The following ATP9A variants were observed in gnomAD, a reference collection of about 807,000 sequenced individuals.
The protein encoded by ATP9A is ATPase phospholipid transporting 9A, also known as probable phospholipid-transporting ATPase IIA.
Under a neutral mutation model 144.1 loss-of-function variants are expected in ATP9A, and 52 were observed. The ratio of observed to expected loss-of-function variants is 0.36; its 90% confidence interval spans 0.29 to 0.45. The LOEUF (loss-of-function observed/expected upper bound fraction) is 0.45. Among genes scored for constraint, ATP9A ranks in the 20% least tolerant of loss-of-function variants. ATP9A has a pLI of 1.00. For synonymous variants in ATP9A, 582 were observed against 557.4 expected (o/e 1.04, Z -0.62); for missense variants, 947 against 1,392.7 (o/e 0.68, Z 5.09).
chr20:51,700,606 G>A (rs1011839196), intron 4 of ATP9A, among the ~76,000 whole-genome samples: 4 of 152,148 alleles, frequency 2.6e-5, no homozygotes, highest in Non-Finnish European at 5.9e-5. Context: ...CGAGGCGGGC[G>A]GATCACCTGA....
Position 51,625,378 on chromosome 20 carries a change from A to G in ATP9A, c.1846-16T>C, listed in dbSNP as rs746554862. The G allele has an allele frequency of 8.1e-6, 13 of 1,608,198 alleles. No individual in the cohort carries two copies. Among genetic ancestry groups the G allele is most frequent in the Non-Finnish European group, 1.1e-5 (13 of 1,176,378 alleles). On this transcript the variant is annotated splice_polypyrimidine_tract_variant and intron_variant, in intron 17 of 27. Coordinates refer to ENST00000338821, the MANE Select transcript of ATP9A (RefSeq NM_006045.3). ...CGTAGCGGGCCTGGGACACACCAGC[A>G]GATGCAGTCACTGCTTAGGGTGAGG...
intron 8 of ATP9A, among the ~76,000 whole-genome samples, 160 bp from the exon 9 acceptor site, chr20:51,689,299 A>G (rs1013461551): frequency 6.6e-6 from 1 of 152,098 alleles, no homozygotes; most frequent in Non-Finnish European, 1.5e-5. Flanking sequence ...GGGGAGGGCC[A>G]AGCTCTTCCA....
chr20:51,608,591 G>T lies in ATP9A; in HGVS notation c.2672C>A (p.Ser891Tyr). Residue 891 changes from serine to tyrosine, a missense_variant, in exon 25 of 28, where the codon TCT (serine) becomes TAT (tyrosine). By Grantham distance (144) the Ser-to-Tyr change is moderately radical. Coordinates refer to ENST00000338821, the MANE Select transcript of ATP9A (RefSeq NM_006045.3). ...TTTGACATCTTTGTCCAGGACCAGA[G>T]AAAACACAGGAAACATGGTGTAAAT... ...STIYTMFPVF[S>Y]LVLDKDVKSE... 6.2e-7 allele frequency: 1 copy of T among 1,613,474 alleles called. No individual in the cohort carries two copies. Among genetic ancestry groups the T allele is most frequent in the Non-Finnish European group, 8.5e-7 (1 of 1,179,350 alleles).
chr20:51,613,899 C>A, intron 22 of ATP9A, 67 bp from the exon 23 acceptor site: 1 of 1,462,036 alleles, frequency 6.8e-7, no homozygotes, highest in South Asian at 1.3e-5. Flanking sequence ...TTTTCTTTCA[C>A]TGAAAAAGCA....
At chr20:51,695,968 T>C in intron 6 of ATP9A, 125 bp downstream of exon 6, 1 of 816,760 alleles carries the variant, frequency 1.2e-6, no homozygotes. Flanking sequence ...TTTAAAAAGA[T>C]GCTTTTGATT....
chr20:51,762,293 G>T (rs1218279586), intron 1 of ATP9A, among the ~76,000 whole-genome samples: 1 of 152,142 alleles, frequency 6.6e-6, no homozygotes, highest in Non-Finnish European at 1.5e-5. Context: ...GAGGTCAAGA[G>T]ATCGAGACCA....
intron 4 of ATP9A, among the ~76,000 whole-genome samples, chr20:51,698,641 G>A (rs1208650563): frequency 6.6e-6 from 1 of 152,188 alleles, no homozygotes; most frequent in African/African-American, 2.4e-5. Flanking sequence ...GAAAGGGGTT[G>A]GAGAATCAGA....
intron 3 of ATP9A, among the ~76,000 whole-genome samples, chr20:51,719,261 G>C (rs1235715163): frequency 2.6e-5 from 4 of 152,160 alleles, no homozygotes; most frequent in African/African-American, 9.7e-5. Context: ...CCTTCAACAA[G>C]AGCAGAGAGG....
At chr20:51,606,890 ACT>A (rs2094762232) in intron 26 of ATP9A, among the ~76,000 whole-genome samples, 1 of 151,276 alleles carries the variant, frequency 6.6e-6, no homozygotes, top group African/African-American at 2.4e-5. Flanking sequence ...CCAGGGTCTC[ACT>A]CTGTTTCTAC....
Position 51,622,126 on chromosome 20 carries a change from G to C in ATP9A, c.2063C>G (p.Ala688Gly), listed in dbSNP as rs201699026. Residue 688 changes from alanine to glycine, a missense_variant, in exon 19 of 28, where the codon GCG (alanine) becomes GGG (glycine). Around this residue, in one of 2 missense-constraint regions of ATP9A, gnomAD observed 770 missense variants for 1,047.9 expected, o/e 0.73. Coordinates refer to ENST00000338821, the MANE Select transcript of ATP9A (RefSeq NM_006045.3). ...TCTGGTCACCAGATGTGCATTCTTC[G>C]CTGTGCACGTAGCTGTCTCCAGCTT... ...GDKLETATCT[A>G]KNAHLVTRNQ... 36 of 1,613,976 alleles carry C rather than the reference G, an allele frequency of 2.2e-5. No homozygotes were observed. The highest frequency in any genetic ancestry group is 2.7e-5 in the Non-Finnish European group (32 of 1,180,006).
At chr20:51,650,557 AATAT>A (rs1216419389) in intron 14 of ATP9A, among the ~76,000 whole-genome samples, 1 of 151,818 alleles carries the variant, frequency 6.6e-6, no homozygotes, top group Non-Finnish European at 1.5e-5. Flanking sequence ...AAAAATAAAA[AATAT>A]ATATATATTT....
chr20:51,724,235 C>T (rs2077702780), intron 3 of ATP9A, among the ~76,000 whole-genome samples: 2 of 152,234 alleles, frequency 1.3e-5, no homozygotes, highest in Admixed American at 6.5e-5. Flanking sequence ...CAAGCGTTCC[C>T]CCCCTGGGTC....
chr20:51,674,055 A>T (rs1032344302), intron 11 of ATP9A, 98 bp downstream of exon 11: 1 of 1,396,848 alleles, frequency 7.2e-7, no homozygotes, highest in African/African-American at 1.5e-5. Flanking sequence ...CATCTCAGAA[A>T]ACAATAATAA....
chr20:51,690,271 T>A (rs2077542376), intron 8 of ATP9A, among the ~76,000 whole-genome samples: 1 of 151,484 alleles, frequency 6.6e-6, no homozygotes, highest in Admixed American at 6.6e-5. Context: ...ATACAAAAAA[T>A]TAGCTGGGCG....
At chr20:51,689,567 T>C (rs1483449737) in intron 8 of ATP9A, among the ~76,000 whole-genome samples, 1 of 150,744 alleles carries the variant, frequency 6.6e-6, no homozygotes, top group East Asian at 2.0e-4. Flanking sequence ...AGATGGAGTC[T>C]CGCTCTGCCA....
intron 14 of ATP9A, among the ~76,000 whole-genome samples, chr20:51,645,475 G>A (rs181356548): frequency 5.9e-5 from 9 of 152,190 alleles, no homozygotes; most frequent in South Asian, 2.1e-4. Flanking sequence ...AGCCAAGATC[G>A]CGCCTGGGCG....
In ATP9A at chr20:51,719,387, T is replaced by TA. The variant is rs112670574; in HGVS notation, c.328-6314dup. Among the ~76,000 whole-genome samples the TA allele has an allele frequency of 7.2e-3, 1,089 of 152,166 alleles. 9 individuals are homozygous for TA. Among genetic ancestry groups the TA allele is most frequent in the African/African-American group, 0.024 (1,013 of 41,478 alleles). ...GTTTAAAAATCAAGAGAAAAAATAC[T>TA]AAAAATTTTTAAAAATGATTAAAAA... is the stretch of plus-strand genomic sequence containing the variant. On this transcript the variant is annotated intron_variant, in intron 3 of 27. Coordinates refer to ENST00000338821, the MANE Select transcript of ATP9A (RefSeq NM_006045.3).
At chr20:51,671,529 GA>G (rs997472863) in intron 11 of ATP9A, among the ~76,000 whole-genome samples, 1 of 152,072 alleles carries the variant, frequency 6.6e-6, no homozygotes, top group African/African-American at 2.4e-5. Flanking sequence ...TCACCTTTTA[GA>G]AAAATTACTG....
intron 26 of ATP9A, among the ~76,000 whole-genome samples, chr20:51,606,744 T>C (rs368502776): frequency 3.2e-4 from 48 of 152,188 alleles, no homozygotes; most frequent in African/African-American, 1.2e-3. Context: ...GATTTGGTGG[T>C]GGTGTACACC....
Sources: gnomAD v4.1 joint callset for allele counts (sites outside exome capture counted in the v4.1 genomes callset) on GRCh38, gnomAD v4.1.1 for gene constraint, gnomAD v4.1.1 regional missense constraint, MANE v1.5 for transcripts, NCBI Gene and HGNC (gene_info 2026-07-23, HGNC 2026-07-21) for gene names.